Variants in NCALD observed in about 807,000 individuals in gnomAD.
The protein encoded by NCALD is neurocalcin-delta.
NCALD carries 10 observed loss-of-function variants against 18.6 expected under a neutral mutation model. The ratio of observed to expected loss-of-function variants is 0.54; its 90% CI spans 0.33 to 0.91. The LOEUF (loss-of-function observed/expected upper bound fraction) is 0.91. Ranked by LOEUF, NCALD falls within the 40% of genes least tolerant of loss-of-function variation. NCALD has a pLI of 0.03. For missense variants in NCALD, 184 were observed against 247.6 expected, an observed-to-expected ratio of 0.74 and a Z score of 1.72; for synonymous variants, 88 against 87.4, an observed-to-expected ratio of 1.01 and a Z score of -0.04.
intron 2 of NCALD, among the ~76,000 whole-genome samples, chr8:101,923,693 G>GT (rs1007454243): frequency 4.6e-5 from 7 of 152,050 alleles, no homozygotes; most frequent in Admixed American, 3.9e-4. Context: ...TAATTTCAAG[G>GT]TTTTTTTAAA....
chr8:101,794,653 A>G (rs1812571728), upstream of NCALD, among the ~76,000 whole-genome samples: 3 of 152,176 alleles, frequency 2.0e-5, no homozygotes, highest in South Asian at 6.2e-4. Context: ...ACATTTTTCT[A>G]AGTACTATAC....
At chr8:101,745,395 ATTTTC>A (rs1440455461) in intron 1 of NCALD, among the ~76,000 whole-genome samples, 2 of 152,044 alleles carry the variant, frequency 1.3e-5, no homozygotes, top group Non-Finnish European at 2.9e-5. Context: ...TCCACAGAAG[ATTTTC>A]TTTTCATTTC....
At chr8:102,113,028 T>C (rs77903401) in intron 1 of NCALD, among the ~76,000 whole-genome samples, 1 of 152,164 alleles carries the variant, frequency 6.6e-6, no homozygotes, top group Non-Finnish European at 1.5e-5. Flanking sequence ...TATTCCATTA[T>C]AGCAACGCAA....
chr8:101,735,717 C>T (rs1488169184), intron 1 of NCALD, among the ~76,000 whole-genome samples: 1 of 152,214 alleles, frequency 6.6e-6, no homozygotes, highest in Admixed American at 6.5e-5. Flanking sequence ...TCCCCTCCTT[C>T]AGATTCCTTT....
chr8:101,770,602 G>T (rs940955066), intron 1 of NCALD, among the ~76,000 whole-genome samples: 3 of 152,174 alleles, frequency 2.0e-5, no homozygotes, highest in African/African-American at 7.2e-5. Flanking sequence ...AAGTTAGAGC[G>T]AGTGGCTTGT....
intron 3 of NCALD, chr8:101,691,952 T>A (rs1233318062): frequency 2.0e-6 from 2 of 985,434 alleles, no homozygotes; most frequent in Non-Finnish European, 2.4e-6. Flanking sequence ...CTGAGCTCTT[T>A]AAACTCAAGT....
chr8:101,747,382 C>T (rs576709836), intron 1 of NCALD, among the ~76,000 whole-genome samples: 10 of 152,260 alleles, frequency 6.6e-5, no homozygotes, highest in African/African-American at 2.2e-4. Context: ...AGCCTTTTCC[C>T]GCAGTTTGAT....
chr8:101,878,355 A>T (rs1319709585), intron 4 of NCALD, among the ~76,000 whole-genome samples: 1 of 152,234 alleles, frequency 6.6e-6, no homozygotes, highest in African/African-American at 2.4e-5. Context: ...AACTAACTCC[A>T]TGTGATTCTC....
At chr8:102,086,036 G>T (rs1824726642) in intron 1 of NCALD, among the ~76,000 whole-genome samples, 1 of 152,124 alleles carries the variant, frequency 6.6e-6, no homozygotes, top group Non-Finnish European at 1.5e-5. Flanking sequence ...AGAGTCAGCA[G>T]TAAACATTGC....
intron 2 of NCALD, chr8:101,693,232 G>T (rs1168222751): frequency 1.0e-5 from 2 of 199,270 alleles, no homozygotes; most frequent in Non-Finnish European, 2.0e-5. Context: ...CTCACTGCAG[G>T]CTCCATTTCA....
chr8:101,794,635 C>T (rs183594845), upstream of NCALD, among the ~76,000 whole-genome samples: 117 of 152,244 alleles, frequency 7.7e-4, no homozygotes, highest in African/African-American at 2.6e-3. Context: ...GTGCTTACTA[C>T]ATGTGGAACA....
At chr8:101,956,889 C>A (rs1047604038) in intron 2 of NCALD, among the ~76,000 whole-genome samples, 3 of 152,136 alleles carry the variant, frequency 2.0e-5, no homozygotes, top group African/African-American at 7.2e-5. Context: ...AAAATGCATT[C>A]TACCTGAAGT....
At chr8:102,024,655 G>A (rs965339233) in intron 1 of NCALD, among the ~76,000 whole-genome samples, 1 of 152,130 alleles carries the variant, frequency 6.6e-6, no homozygotes, top group East Asian at 1.9e-4. Context: ...TGCCTACTGA[G>A]GAACTTTGTC....
intron 2 of NCALD, among the ~76,000 whole-genome samples, chr8:101,711,529 G>A (rs994249007): frequency 6.6e-6 from 1 of 151,994 alleles, no homozygotes; most frequent in Non-Finnish European, 1.5e-5. Flanking sequence ...TTGATAAAAA[G>A]TTAGAGGAGT....
intron 4 of NCALD, among the ~76,000 whole-genome samples, chr8:101,868,732 G>C (rs1467745650): frequency 6.6e-6 from 1 of 152,124 alleles, no homozygotes; most frequent in Admixed American, 6.5e-5. Flanking sequence ...CATTTGCATG[G>C]GGTATATGCC....
intron 4 of NCALD, among the ~76,000 whole-genome samples, chr8:101,837,854 C>A (rs1256843667): frequency 6.6e-6 from 1 of 152,162 alleles, no homozygotes; most frequent in African/African-American, 2.4e-5. Context: ...GTAAAGGTGG[C>A]CTATGTTTTA....
chr8:102,099,981 CAAA>C (rs1360552443), intron 1 of NCALD, among the ~76,000 whole-genome samples: 1 of 73,308 alleles, frequency 1.4e-5, no homozygotes. Context: ...GACTCTGTCT[CAAA>C]AAAAAAAAAA....
chr8:101,932,129 C>T (rs184380923), intron 2 of NCALD, among the ~76,000 whole-genome samples: 81 of 152,306 alleles, frequency 5.3e-4, no homozygotes, highest in South Asian at 2.1e-3. Context: ...TGAGTGCAGG[C>T]TTCTCTAGGG....
intron 4 of NCALD, among the ~76,000 whole-genome samples, chr8:101,804,666 C>T (rs1813028821): frequency 9.0e-6 from 1 of 111,366 alleles, no homozygotes; most frequent in Admixed American, 1.1e-4. Context: ...ATATAATTAT[C>T]ATATAATATA....
Sources: gnomAD v4.1 joint callset for allele counts (sites outside exome capture counted in the v4.1 genomes callset) on GRCh38, gnomAD v4.1.1 for gene constraint, MANE v1.5 for transcripts, NCBI Gene and HGNC (gene_info 2026-07-23, HGNC 2026-07-21) for gene names.